Variants in CIB2 observed in about 807,000 individuals in gnomAD.
CIB2 encodes calcium and integrin-binding family member 2.
CIB2 carries 19 observed loss-of-function variants against 23.1 expected under a neutral mutation model. That is an observed-to-expected ratio of 0.82 (90% CI 0.57 to 1.21). CIB2 has a LOEUF of 1.21. Among genes scored for constraint, CIB2 ranks in the 50% most tolerant of loss-of-function variants. CIB2 has a pLI of 0.00. For synonymous variants in CIB2, 94 were observed against 91.7 expected, an observed-to-expected ratio of 1.03 and a Z score of -0.14; for missense variants, 220 against 241.5, an observed-to-expected ratio of 0.91 and a Z score of 0.59.
chr15:78,127,174 C>G (rs990940583), intron 1 of CIB2, among the ~76,000 whole-genome samples: 2 of 152,138 alleles, frequency 1.3e-5, no homozygotes, highest in East Asian at 3.9e-4. Flanking sequence ...AAGGCATCTC[C>G]CCAGAGTCGG....
chr15:78,109,192 T>TCCCCC, intron 4 of CIB2, 43 bp downstream of exon 4: 1 of 1,241,546 alleles, frequency 8.1e-7, no homozygotes, highest in Non-Finnish European at 1.1e-6. Flanking sequence ...CCCCACATGT[T>TCCCCC]CCCCCACCGC....
chr15:78,131,358 C>G lies in CIB2; in HGVS notation c.-143G>C, dbSNP rs1053530066. 2.1e-6 allele frequency: 1 copy of G among 483,060 alleles called. No individual in the cohort carries two copies. Among genetic ancestry groups the G allele is most frequent in the Non-Finnish European group, 2.8e-6 (1 of 351,120 alleles). The allele number at this position is 483,060 out of a possible 1,614,324, so 29.9% of individuals were successfully genotyped here. ...CACGGTGGCCGGACCCTTCCCGCCC[C>G]GCAGCTCGCCTGGAGGAGGCGCGCG... is the stretch of plus-strand genomic sequence containing the variant. On this transcript the variant is annotated 5_prime_UTR_variant, in exon 1 of 6. Coordinates refer to ENST00000258930, the MANE Select transcript of CIB2 (RefSeq NM_006383.4). The surrounding 1 kb of genome is among the most constrained non-coding windows in gnomAD (Gnocchi z 5.8).
intron 2 of CIB2, among the ~76,000 whole-genome samples, chr15:78,122,605 C>T: frequency 6.6e-6 from 1 of 152,222 alleles, no homozygotes; most frequent in East Asian, 1.9e-4. Context: ...AGTGTTGCTG[C>T]CTCTCGGCAA....
chr15:78,110,169 C>T (rs2074134634), intron 3 of CIB2, among the ~76,000 whole-genome samples: 1 of 152,266 alleles, frequency 6.6e-6, no homozygotes, highest in Non-Finnish European at 1.5e-5. Context: ...GGGAGCTGTA[C>T]ACGGATGCCT....
chr15:78,123,453 C>T (rs757013541), intron 2 of CIB2, among the ~76,000 whole-genome samples: 7 of 152,098 alleles, frequency 4.6e-5, no homozygotes, highest in Non-Finnish European at 7.4e-5. Flanking sequence ...AAGAATGTGC[C>T]GGAAACTACC....
chr15:78,113,554 G>A (rs527321309), intron 2 of CIB2, among the ~76,000 whole-genome samples: 111 of 124,846 alleles, frequency 8.9e-4, no homozygotes, highest in African/African-American at 3.0e-3. Flanking sequence ...TTTTTGAGAC[G>A]GAGTCTCGCT....
chr15:78,127,357 A>C (rs930322157), intron 1 of CIB2, among the ~76,000 whole-genome samples: 2 of 152,180 alleles, frequency 1.3e-5, no homozygotes, highest in African/African-American at 4.8e-5. Context: ...ACACAGGGAC[A>C]GGTCTTCCGG....
chr15:78,115,763 C>T (rs531752103), intron 2 of CIB2, among the ~76,000 whole-genome samples: 9 of 148,990 alleles, frequency 6.0e-5, no homozygotes, highest in South Asian at 2.2e-4. Context: ...CTGCAGCCTC[C>T]GCCTCCTGGG....
intron 2 of CIB2, among the ~76,000 whole-genome samples, chr15:78,114,680 T>TA (rs1259474340): frequency 6.6e-6 from 1 of 151,208 alleles, no homozygotes; most frequent in African/African-American, 2.4e-5. Flanking sequence ...CTCATGACTG[T>TA]AATCTAAATG....
chr15:78,122,364 A>G (rs1201265515), intron 2 of CIB2, among the ~76,000 whole-genome samples: 2 of 152,206 alleles, frequency 1.3e-5, no homozygotes, highest in African/African-American at 4.8e-5. Flanking sequence ...TGGGCCTCAG[A>G]AGACAGGCAG....
intron 2 of CIB2, chr15:78,120,617 A>G (rs2074304250): frequency 2.0e-6 from 2 of 982,990 alleles, no homozygotes; most frequent in African/African-American, 3.5e-5. Flanking sequence ...CTCGGCCTCA[A>G]TGTGGGAATG....
chr15:78,123,748 G>A lies in CIB2; in HGVS notation c.52-9C>T. 1.2e-6 allele frequency: 2 copies of A among 1,614,006 alleles called. No homozygotes were observed. Among genetic ancestry groups the A allele is most frequent in the Non-Finnish European group, 1.7e-6 (2 of 1,179,918 alleles). ...TTGAAGAAGGTGCAGTCCTGTTGAGGGAAAACACACAACACACAGTCAGTG... is the reference window on the plus strand; with the variant it reads ...TTGAAGAAGGTGCAGTCCTGTTGAGAGAAAACACACAACACACAGTCAGTG... On this transcript the variant is annotated splice_polypyrimidine_tract_variant and intron_variant, in intron 1 of 5. Coordinates refer to ENST00000258930, the MANE Select transcript of CIB2 (RefSeq NM_006383.4).
chr15:78,119,278 C>T (rs2074284726), intron 2 of CIB2, among the ~76,000 whole-genome samples: 1 of 152,196 alleles, frequency 6.6e-6, no homozygotes, highest in Admixed American at 6.5e-5. Context: ...GACTCTCCTT[C>T]CTTTTGCAGG....
At position 78,131,331 on chromosome 15, in the gene CIB2, C is replaced by T; in HGVS notation, c.-116G>A. The T allele has an allele frequency of 2.5e-6, 2 of 785,402 alleles. No homozygotes were observed. The highest frequency in any genetic ancestry group is 3.2e-6 in the Non-Finnish European group (2 of 617,854). The allele number at this position is 785,402 out of a possible 1,614,324, so 48.7% of individuals were successfully genotyped here. On this transcript the variant is annotated 5_prime_UTR_variant, in exon 1 of 6. Transcript: ENST00000258930. This position sits in a 1 kb window ranked among gnomAD's most constrained non-coding sequence, Gnocchi z 5.8. ...TCGGCAGCCCCGCGGCTGGCAGCGGCCCACGGTGGCCGGACCCTTCCCGCC... is the reference window on the plus strand; with the variant it reads ...TCGGCAGCCCCGCGGCTGGCAGCGGTCCACGGTGGCCGGACCCTTCCCGCC...
chr15:78,112,803 A>T (rs1054562368), intron 2 of CIB2, among the ~76,000 whole-genome samples: 1 of 152,108 alleles, frequency 6.6e-6, no homozygotes, highest in Non-Finnish European at 1.5e-5. Context: ...GCCCACCTTT[A>T]TCAAGCCATT....
At chr15:78,124,867 G>A (rs1166190709) in intron 1 of CIB2, among the ~76,000 whole-genome samples, 1 of 152,186 alleles carries the variant, frequency 6.6e-6, no homozygotes, top group Admixed American at 6.5e-5. Context: ...CAATTGGATT[G>A]CGTGTTAAGA....
At chr15:78,126,144 C>T (rs1000588481) in intron 1 of CIB2, among the ~76,000 whole-genome samples, 7 of 144,036 alleles carry the variant, frequency 4.9e-5, no homozygotes, top group Non-Finnish European at 7.5e-5. Flanking sequence ...TCCCCTGCCC[C>T]CCCCCCTTTT....
Position 78,109,293 on chromosome 15 carries a change from G to T in CIB2, c.288C>A (p.Ser96=). ...CTCGGGGAGCCGACTCGCAGAGCAC[G>T]GAAAACATGTCCACAAAGTCGTTGA... ...LTFNDFVDMF[S]VLCESAPREL... The change falls in exon 4 of 6, where the codon TCC becomes TCA. Residue 96 remains serine (S), a synonymous_variant. Coordinates refer to ENST00000258930, the MANE Select transcript of CIB2 (RefSeq NM_006383.4). The T allele has an allele frequency of 6.2e-7, 1 of 1,613,136 alleles. No homozygotes were observed. The highest frequency in any genetic ancestry group is 8.5e-7 in the Non-Finnish European group (1 of 1,179,790).
rs1388210092 is a variant in CIB2 at position 78,109,395 on chromosome 15, C to T, written c.199-13G>A. On this transcript the variant is annotated splice_polypyrimidine_tract_variant and intron_variant, in intron 3 of 5. Transcript: ENST00000258930. Reference sequence around the variant, plus strand: ...TGAAGGGATTCTCCTGAAGAAAACACACACAGCAATCACTGTGGGTGCAGG... The same window carrying T: ...TGAAGGGATTCTCCTGAAGAAAACATACACAGCAATCACTGTGGGTGCAGG... The T allele has an allele frequency of 1.2e-6, 2 of 1,613,998 alleles. No homozygotes were observed. Among genetic ancestry groups the T allele is most frequent in the Admixed American group, 1.7e-5 (1 of 60,028 alleles).
Sources: gnomAD v4.1 joint callset for allele counts (sites outside exome capture counted in the v4.1 genomes callset) on GRCh38, gnomAD v4.1.1 for gene constraint, Gnocchi (gnomAD v3.1) non-coding constraint, MANE v1.5 for transcripts, NCBI Gene and HGNC (gene_info 2026-07-23, HGNC 2026-07-21) for gene names.